ROCK1: variants seen among roughly 807,000 people sequenced by gnomAD.
ROCK1 encodes the protein Rho associated coiled-coil containing protein kinase 1.
A neutral mutation model predicts 196.8 loss-of-function variants in ROCK1; 36 were observed. That is an observed-to-expected ratio of 0.18 (90% confidence interval 0.14 to 0.24). The LOEUF is 0.24. ROCK1 is among the 10% of genes least tolerant of loss of function. ROCK1 has a pLI of 1.00. For missense variants in ROCK1, 920 were observed against 1,562.0 expected (o/e 0.59, Z 6.93); for synonymous variants, 443 against 515.9 (o/e 0.86, Z 1.91).
At chr18:20,995,737 G>C (rs1008454461) in intron 16 of ROCK1, among the ~76,000 whole-genome samples, 1 of 152,180 alleles carries the variant, frequency 6.6e-6, no homozygotes, top group African/African-American at 2.4e-5. Context: ...AGAAAGGGAA[G>C]AGAACAGAGC....
At chr18:21,106,868 T>C (rs1318561585) in intron 1 of ROCK1, among the ~76,000 whole-genome samples, 1 of 152,238 alleles carries the variant, frequency 6.6e-6, no homozygotes, top group Admixed American at 6.5e-5. Context: ...AAAGATTGGA[T>C]AGCCACTTAT....
intron 20 of ROCK1, among the ~76,000 whole-genome samples, chr18:20,983,674 T>A (rs2035553386): frequency 2.0e-5 from 3 of 151,884 alleles, no homozygotes; most frequent in South Asian, 2.1e-4. Flanking sequence ...AGAAAAAAAA[T>A]ATAAAACACA....
intron 8 of ROCK1, among the ~76,000 whole-genome samples, chr18:21,040,651 T>C (rs981959884): frequency 2.0e-5 from 3 of 152,192 alleles, no homozygotes; most frequent in African/African-American, 7.2e-5. Context: ...AACCTCTCCA[T>C]GGTTCTCCGG....
chr18:21,011,990 C>T (rs1383211955), intron 13 of ROCK1, among the ~76,000 whole-genome samples: 3 of 152,174 alleles, frequency 2.0e-5, no homozygotes, highest in Non-Finnish European at 4.4e-5. Context: ...GTCACCCAGG[C>T]TGGAGTGCAG....
intron 9 of ROCK1, among the ~76,000 whole-genome samples, chr18:21,037,965 T>A (rs975303630): frequency 1.3e-5 from 2 of 152,186 alleles, no homozygotes; most frequent in Non-Finnish European, 2.9e-5. Flanking sequence ...ACTTTTGCGG[T>A]TGATTTATTG....
intron 17 of ROCK1, among the ~76,000 whole-genome samples, chr18:20,992,448 C>G (rs1001244055): frequency 1.3e-5 from 2 of 152,188 alleles, no homozygotes; most frequent in African/African-American, 2.4e-5. Context: ...TGTAAAACAA[C>G]AGAACAGGTA....
At chr18:21,045,028 T>G (rs1408311354) in intron 5 of ROCK1, 230 of 166,430 alleles carry the variant, frequency 1.4e-3, no homozygotes, top group Middle Eastern at 6.2e-3. Context: ...ACCTGTGTTT[T>G]TTTTTTTTTT....
At chr18:21,046,418 G>A (rs1031821695) in intron 4 of ROCK1, among the ~76,000 whole-genome samples, 4 of 152,168 alleles carry the variant, frequency 2.6e-5, no homozygotes, top group South Asian at 2.1e-4. Context: ...TAAAGTAACA[G>A]TGCACCTAAC....
rs367843842 is a variant in ROCK1 at position 21,049,892 on chromosome 18, G to T, written c.176-12C>A. The T allele has an allele frequency of 5.4e-6, 8 of 1,472,970 alleles. No homozygotes were observed. The African/African-American group carries it at 8.5e-5, about 16-fold the overall frequency. 91.2% of individuals were successfully genotyped at this position (1,472,970 alleles called of 1,614,324 possible). The stretch of plus-strand genomic sequence containing the variant: ...TATTGTGTCTTTATCTGTATGAAAA[G>T]AAAAGTTTATCATTTTAAATCACTA... On this transcript the variant is annotated splice_polypyrimidine_tract_variant and intron_variant, in intron 2 of 32. Coordinates refer to ENST00000399799, the MANE Select transcript of ROCK1 (RefSeq NM_005406.3).
chr18:20,983,825 G>A (rs545423634), intron 20 of ROCK1, among the ~76,000 whole-genome samples: 20 of 152,054 alleles, frequency 1.3e-4, no homozygotes, highest in Admixed American at 3.3e-4. Context: ...TAAACGTGGA[G>A]GAAATAAAAA....
chr18:21,105,763 A>AGT (rs1259226228), intron 1 of ROCK1, among the ~76,000 whole-genome samples: 2 of 152,218 alleles, frequency 1.3e-5, no homozygotes, highest in African/African-American at 4.8e-5. Context: ...CTTACAAGGC[A>AGT]GTCAGATATT....
chr18:21,046,196 C>T (rs1270610817), intron 4 of ROCK1, among the ~76,000 whole-genome samples: 9 of 152,114 alleles, frequency 5.9e-5, no homozygotes, highest in African/African-American at 2.2e-4. Flanking sequence ...AGGCATGAGC[C>T]ACTGCGCCCG....
At chr18:21,033,643 C>T (rs1434393326) in intron 9 of ROCK1, among the ~76,000 whole-genome samples, 1 of 151,602 alleles carries the variant, frequency 6.6e-6, no homozygotes, top group African/African-American at 2.4e-5. Flanking sequence ...TTGCAGGTTA[C>T]AAGATCAGAA....
chr18:21,011,950 C>G (rs773255221), intron 13 of ROCK1, among the ~76,000 whole-genome samples: 4 of 151,678 alleles, frequency 2.6e-5, no homozygotes, highest in Non-Finnish European at 5.9e-5. Flanking sequence ...AAAATTCCTC[C>G]TTTTTCTTTT....
chr18:21,089,863 T>C (rs1212409043), intron 1 of ROCK1, among the ~76,000 whole-genome samples: 1 of 152,144 alleles, frequency 6.6e-6, no homozygotes, highest in African/African-American at 2.4e-5. Flanking sequence ...CATCATAAAG[T>C]GGAAAAATCA....
chr18:21,031,431 C>T (rs1165965171), intron 9 of ROCK1, among the ~76,000 whole-genome samples: 1 of 151,602 alleles, frequency 6.6e-6, no homozygotes, highest in Non-Finnish European at 1.5e-5. Context: ...GGTGAAACCC[C>T]GTCTCTACTA....
At chr18:21,004,119 G>T (rs2035749147) in intron 16 of ROCK1, among the ~76,000 whole-genome samples, 1 of 152,136 alleles carries the variant, frequency 6.6e-6, no homozygotes, top group Non-Finnish European at 1.5e-5. Context: ...CAGCCTTACT[G>T]TTGCACTAGT....
chr18:20,975,033 G>GACAT (rs1454712980), intron 22 of ROCK1, among the ~76,000 whole-genome samples: 8 of 152,184 alleles, frequency 5.3e-5, no homozygotes, highest in African/African-American at 1.7e-4. Flanking sequence ...GTAGGTGCTA[G>GACAT]ACATACAGCA....
chr18:21,031,604 CAAAAAA>C (rs781463990), intron 9 of ROCK1, among the ~76,000 whole-genome samples: 1 of 51,876 alleles, frequency 1.9e-5, no homozygotes, highest in Admixed American at 2.3e-4. Flanking sequence ...GACTCCATCT[CAAAAAA>C]AAAAAAAAAA....
Sources: gnomAD v4.1 joint callset for allele counts (sites outside exome capture counted in the v4.1 genomes callset) on GRCh38, gnomAD v4.1.1 for gene constraint, MANE v1.5 for transcripts, NCBI Gene and HGNC (gene_info 2026-07-23, HGNC 2026-07-21) for gene names.